Variants in HDAC9 observed in about 807,000 individuals in gnomAD.
HDAC9 encodes the protein MEF-2 interacting transcription repressor (MITR) protein.
In HDAC9, 41 loss-of-function variants were observed where a neutral mutation model predicts 139.4. The observed-to-expected ratio is 0.29, with a 90% CI of 0.23 to 0.38. The LOEUF is 0.38. Among genes scored for constraint, HDAC9 ranks in the 10% least tolerant of loss-of-function variants. The pLI is 1.00. For missense variants in HDAC9, 1,147 were observed against 1,297.0 expected, an observed-to-expected ratio of 0.88 and a Z score of 1.78; for synonymous variants, 517 against 476.2, an observed-to-expected ratio of 1.09 and a Z score of -1.12.
chr7:18,108,526 T>C (rs1017338731), intron 1 of HDAC9, among the ~76,000 whole-genome samples: 3 of 152,118 alleles, frequency 2.0e-5, no homozygotes, highest in African/African-American at 7.2e-5. Context: ...TGAGAACTTA[T>C]TTTCTTTCTT....
At chr7:18,190,288 C>A (rs1790249800) in intron 2 of HDAC9, among the ~76,000 whole-genome samples, 1 of 151,924 alleles carries the variant, frequency 6.6e-6, no homozygotes, top group Non-Finnish European at 1.5e-5. Context: ...CAATTTTGGG[C>A]ATGTATACAT....
chr7:18,873,565 T>C (rs969505071), intron 21 of HDAC9, among the ~76,000 whole-genome samples: 9 of 152,194 alleles, frequency 5.9e-5, no homozygotes, highest in Admixed American at 5.2e-4. Flanking sequence ...TATGTCATTA[T>C]TGAAGGATAA....
At chr7:18,496,068 G>T (rs1014441278) in intron 1 of HDAC9, 45 bp downstream of exon 1, 1 of 1,420,982 alleles carries the variant, frequency 7.0e-7, no homozygotes, top group African/African-American at 1.4e-5. Flanking sequence ...AAAAGTGGAT[G>T]CCCATTTGAG....
At chr7:18,939,682 A>G (rs978564156) in intron 23 of HDAC9, among the ~76,000 whole-genome samples, 4 of 152,210 alleles carry the variant, frequency 2.6e-5, no homozygotes, top group Non-Finnish European at 5.9e-5. Context: ...TGTAGTTTTC[A>G]CAGTAGTTTT....
intron 24 of HDAC9, among the ~76,000 whole-genome samples, chr7:18,968,261 A>G (rs17140423): frequency 0.38 from 58,194 of 152,034 alleles, 11,800 homozygotes; most frequent in East Asian, 0.58. Flanking sequence ...TTGAACATCT[A>G]TAGTAATATT....
At chr7:18,913,453 G>T (rs1482780445) in intron 22 of HDAC9, among the ~76,000 whole-genome samples, 3 of 152,102 alleles carry the variant, frequency 2.0e-5, no homozygotes, top group African/African-American at 7.2e-5. Flanking sequence ...GACATTTACA[G>T]TCCAAAATTC....
At chr7:18,582,333 A>G (rs908365074) in intron 2 of HDAC9, among the ~76,000 whole-genome samples, 5 of 152,186 alleles carry the variant, frequency 3.3e-5, no homozygotes, top group African/African-American at 7.2e-5. Context: ...TGTTCTCTAC[A>G]TCACCAGTCA....
intron 1 of HDAC9, among the ~76,000 whole-genome samples, chr7:18,350,064 C>T (rs2128672434): frequency 6.6e-6 from 1 of 151,852 alleles, no homozygotes; most frequent in East Asian, 1.9e-4. Context: ...GTTTTTTCTC[C>T]CTCTTGTTAT....
chr7:18,211,750 C>T (rs1002686665), intron 2 of HDAC9, among the ~76,000 whole-genome samples: 1 of 152,070 alleles, frequency 6.6e-6, no homozygotes, highest in African/African-American at 2.4e-5. Context: ...GTGCCGTGTC[C>T]ATTGTGATTA....
intron 1 of HDAC9, among the ~76,000 whole-genome samples, chr7:18,466,227 C>T (rs1266314258): frequency 1.3e-5 from 2 of 152,160 alleles, no homozygotes; most frequent in East Asian, 3.9e-4. Flanking sequence ...GACAGGGTTT[C>T]ACTCTCTTGC....
intron 22 of HDAC9, among the ~76,000 whole-genome samples, chr7:18,875,148 C>T (rs1361055124): frequency 6.6e-6 from 1 of 152,024 alleles, no homozygotes; most frequent in Non-Finnish European, 1.5e-5. Context: ...AGCAACTGGA[C>T]ACCACATGAA....
chr7:18,564,596 C>G (rs1821678232), intron 2 of HDAC9, among the ~76,000 whole-genome samples: 1 of 151,988 alleles, frequency 6.6e-6, no homozygotes, highest in Non-Finnish European at 1.5e-5. Flanking sequence ...TTTTTTTATT[C>G]TAAATAGGAA....
intron 12 of HDAC9, among the ~76,000 whole-genome samples, chr7:18,713,631 G>T (rs182854632): frequency 5.1e-4 from 78 of 152,072 alleles, no homozygotes; most frequent in Non-Finnish European, 5.0e-4. Context: ...TATGCAAGAA[G>T]ATTTATTAAT....
At chr7:18,930,941 CTCTG>C (rs979243108) in intron 22 of HDAC9, among the ~76,000 whole-genome samples, 19 of 152,068 alleles carry the variant, frequency 1.2e-4, no homozygotes, top group Admixed American at 5.9e-4. Context: ...ATTTGGATCG[CTCTG>C]TCTCTTTCTT....
chr7:18,507,165 A>G (rs1436643518), intron 2 of HDAC9, among the ~76,000 whole-genome samples: 1 of 120,508 alleles, frequency 8.3e-6, no homozygotes, highest in African/African-American at 3.6e-5. Flanking sequence ...CCAAATATTC[A>G]TTACATATTA....
intron 13 of HDAC9, among the ~76,000 whole-genome samples, chr7:18,745,798 G>T (rs531727291): frequency 2.6e-5 from 4 of 151,162 alleles, no homozygotes. Flanking sequence ...CATCCGCCTC[G>T]GCCTCCCAAA....
chr7:18,419,212 C>T (rs1382319604), intron 1 of HDAC9, among the ~76,000 whole-genome samples: 1 of 152,142 alleles, frequency 6.6e-6, no homozygotes, highest in Admixed American at 6.6e-5. Context: ...TTCCTGCCCT[C>T]TTTGTCATGA....
chr7:18,537,854 G>A (rs2128601635), intron 2 of HDAC9, among the ~76,000 whole-genome samples: 2 of 152,294 alleles, frequency 1.3e-5, no homozygotes, highest in Middle Eastern at 3.4e-3. Flanking sequence ...TCTTGAACTT[G>A]AGCACTTCAG....
intron 12 of HDAC9, among the ~76,000 whole-genome samples, chr7:18,682,998 T>A (rs1223954929): frequency 6.6e-6 from 1 of 151,774 alleles, no homozygotes; most frequent in Non-Finnish European, 1.5e-5. Flanking sequence ...ACAAAAAAAA[T>A]TTAAAGACAA....
Sources: gnomAD v4.1 joint callset for allele counts (sites outside exome capture counted in the v4.1 genomes callset) on GRCh38, gnomAD v4.1.1 for gene constraint, MANE v1.5 for transcripts, NCBI Gene and HGNC (gene_info 2026-07-23, HGNC 2026-07-21) for gene names.